The following JADE1 variants were observed in gnomAD, a reference collection of about 807,000 sequenced individuals.
The protein encoded by JADE1 is protein Jade-1.
Under a neutral mutation model 81.8 loss-of-function variants are expected in JADE1, and 14 were observed. That is an observed-to-expected ratio of 0.17 (90% CI 0.11 to 0.27). The LOEUF is 0.27. Among genes scored for constraint, JADE1 ranks in the 10% least tolerant of loss-of-function variants. JADE1 has a pLI of 1.00. For missense variants in JADE1, 690 were observed against 1,047.9 expected (o/e 0.66, Z 4.71); for synonymous variants, 353 against 391.9 (o/e 0.90, Z 1.17).
intron 1 of JADE1, among the ~76,000 whole-genome samples, chr4:128,826,301 G>C (rs183911196): frequency 2.6e-5 from 4 of 152,116 alleles, no homozygotes; most frequent in Non-Finnish European, 5.9e-5. Context: ...TCTCTGTCCC[G>C]TACTGCAAGG....
At chr4:128,819,109 A>G (rs961809519) in intron 1 of JADE1, among the ~76,000 whole-genome samples, 1 of 152,212 alleles carries the variant, frequency 6.6e-6, no homozygotes, top group Non-Finnish European at 1.5e-5. Flanking sequence ...CCAGATTTAT[A>G]GTAAGACACA....
intron 1 of JADE1, among the ~76,000 whole-genome samples, chr4:128,823,653 T>C (rs1727778476): frequency 6.6e-6 from 1 of 152,238 alleles, no homozygotes; most frequent in Non-Finnish European, 1.5e-5. Context: ...CACATTTTTT[T>C]GCTTGAGATA....
At chr4:128,821,289 C>G (rs1579104799) in intron 1 of JADE1, among the ~76,000 whole-genome samples, 2 of 152,140 alleles carry the variant, frequency 1.3e-5, no homozygotes, top group South Asian at 2.1e-4. Context: ...GGCTTTATCT[C>G]TCTTGGTGAT....
At chr4:128,848,720 G>T (rs1430453946) in intron 4 of JADE1, among the ~76,000 whole-genome samples, 1 of 152,228 alleles carries the variant, frequency 6.6e-6, no homozygotes, top group East Asian at 1.9e-4. Context: ...GTGGTCAGAG[G>T]TGGTGGGCAG....
At chr4:128,826,250 G>A (rs1399356079) in intron 1 of JADE1, among the ~76,000 whole-genome samples, 3 of 152,202 alleles carry the variant, frequency 2.0e-5, no homozygotes, top group African/African-American at 4.8e-5. Context: ...TTGTAGCCAC[G>A]CTGAGAGGCC....
intron 1 of JADE1, among the ~76,000 whole-genome samples, chr4:128,814,119 C>T (rs761824801): frequency 6.6e-5 from 10 of 151,832 alleles, no homozygotes; most frequent in Non-Finnish European, 1.5e-4. Context: ...CAGTGCTGTG[C>T]TTATATTAGT....
intron 3 of JADE1, 35 bp downstream of exon 3, chr4:128,843,073 T>C: frequency 6.5e-7 from 1 of 1,548,044 alleles, no homozygotes; most frequent in Non-Finnish European, 8.9e-7. Context: ...CGTGCATGAA[T>C]ATATGCTATC....
intron 4 of JADE1, among the ~76,000 whole-genome samples, chr4:128,847,124 G>A (rs187184060): frequency 3.7e-4 from 56 of 152,262 alleles, no homozygotes; most frequent in African/African-American, 1.3e-3. Context: ...CCTCAGGGTC[G>A]AGTCCCTGCC....
intron 1 of JADE1, among the ~76,000 whole-genome samples, chr4:128,811,643 G>A (rs1726389521): frequency 1.8e-5 from 2 of 111,240 alleles, no homozygotes; most frequent in African/African-American, 5.1e-5. Context: ...CCGGGGTGGG[G>A]GGTTGCGGGG....
chr4:128,849,462 A>G (rs1730156676), intron 5 of JADE1, among the ~76,000 whole-genome samples: 1 of 152,152 alleles, frequency 6.6e-6, no homozygotes, highest in Non-Finnish European at 1.5e-5. Context: ...GTCCAGGGAA[A>G]CGAAGTGACA....
chr4:128,872,086 C>T lies in JADE1; in HGVS notation c.2353C>T (p.Pro785Ser), dbSNP rs758580656. 3 of 1,613,970 alleles carry T rather than the reference C, an allele frequency of 1.9e-6. No homozygotes were observed. Among genetic ancestry groups the T allele is most frequent in the Non-Finnish European group, 2.5e-6 (3 of 1,180,018 alleles). The change falls in exon 11 of 11, where the codon CCA becomes TCA. Residue 785 changes from proline (P) to serine (S), a missense_variant. This residue lies in a region of JADE1 where 218 missense variants were observed against 274.3 expected (regional missense o/e 0.79). Coordinates refer to ENST00000226319, the MANE Select transcript of JADE1 (RefSeq NM_199320.4). ...DYPYLGLGRV[P>S]AKERAKSKLK... ...CCCATATTTGGGCTTAGGCCGAGTTCCAGCCAAGGAAAGGGCAAAAAGCAA... is the reference window on the plus strand; with the variant it reads ...CCCATATTTGGGCTTAGGCCGAGTTTCAGCCAAGGAAAGGGCAAAAAGCAA...
At chr4:128,828,975 A>C (rs948728764) in intron 1 of JADE1, among the ~76,000 whole-genome samples, 1 of 151,676 alleles carries the variant, frequency 6.6e-6, no homozygotes, top group Admixed American at 6.6e-5. Flanking sequence ...ACTCTTTTGT[A>C]ATGTTGGCTT....
intron 10 of JADE1, among the ~76,000 whole-genome samples, chr4:128,870,197 C>A (rs777471373): frequency 5.9e-5 from 9 of 152,188 alleles, no homozygotes; most frequent in Non-Finnish European, 1.2e-4. Context: ...AAGGTTGATT[C>A]TAATGATTGA....
chr4:128,863,524 C>G (rs1731539662), intron 9 of JADE1: 1 of 985,220 alleles, frequency 1.0e-6, no homozygotes, highest in Non-Finnish European at 1.2e-6. Context: ...ATTAGAGATC[C>G]TTTTAATACA....
In JADE1 at chr4:128,869,527, T is replaced by A. The variant is rs529891973; in HGVS notation, c.1621+1554T>A. ...CTTAGGTCATTATGTAATGAGTGATTCCCTGTAAAAATAAGCCGTAAAGAG... is the reference window on the plus strand; with the variant it reads ...CTTAGGTCATTATGTAATGAGTGATACCCTGTAAAAATAAGCCGTAAAGAG... On this transcript the variant is annotated intron_variant, in intron 10 of 10. Transcript: ENST00000226319. Among the ~76,000 whole-genome samples the A allele has an allele frequency of 3.9e-5, 6 of 152,318 alleles. 1 individual carries two copies. In the South Asian group the frequency reaches 1.2e-3, roughly 32 times the overall value.
intron 6 of JADE1, among the ~76,000 whole-genome samples, 179 bp downstream of exon 6, chr4:128,852,447 T>C (rs965843852): frequency 1.3e-5 from 2 of 152,252 alleles, no homozygotes; most frequent in African/African-American, 2.4e-5. Flanking sequence ...GATTGAAATA[T>C]ATCCTCTGCT....
intron 1 of JADE1, among the ~76,000 whole-genome samples, chr4:128,820,302 G>A (rs965859473): frequency 1.3e-5 from 2 of 152,074 alleles, no homozygotes; most frequent in Admixed American, 6.5e-5. Flanking sequence ...GGTAGAGGCA[G>A]GGTTTCACCA....
chr4:128,814,646 A>G (rs906322055), intron 1 of JADE1, among the ~76,000 whole-genome samples: 1 of 147,786 alleles, frequency 6.8e-6, no homozygotes, highest in Non-Finnish European at 1.5e-5. Flanking sequence ...ACTGCAACCT[A>G]TGCCTCCCAG....
intron 5 of JADE1, among the ~76,000 whole-genome samples, chr4:128,850,420 A>C (rs1730252889): frequency 6.6e-6 from 1 of 152,110 alleles, no homozygotes; most frequent in South Asian, 2.1e-4. Context: ...TGTGGCTTGC[A>C]GTAGATGCTT....
Sources: allele counts gnomAD v4.1 joint callset (sites outside exome capture counted in the v4.1 genomes callset), GRCh38; gene constraint gnomAD v4.1.1; regional missense constraint gnomAD v4.1.1; transcripts MANE v1.5; gene names NCBI Gene and HGNC (gene_info 2026-07-23, HGNC 2026-07-21).